FBXO38: variants seen among roughly 807,000 people sequenced by gnomAD.
FBXO38 encodes the protein F-box protein 38, also known as F-box only protein 38.
Under a neutral mutation model 131.9 loss-of-function variants are expected in FBXO38, and 53 were observed. The observed-to-expected ratio is 0.40, with a 90% CI of 0.32 to 0.51. FBXO38 has a LOEUF of 0.51. Ranked by LOEUF, FBXO38 falls within the 20% of genes least tolerant of loss-of-function variation. The pLI, the probability that FBXO38 is intolerant of heterozygous loss-of-function variation, is 0.53. For synonymous variants in FBXO38, 452 were observed against 505.6 expected, an observed-to-expected ratio of 0.89 and a Z score of 1.42; for missense variants, 1,076 against 1,475.6, an observed-to-expected ratio of 0.73 and a Z score of 4.44.
intron 2 of FBXO38, among the ~76,000 whole-genome samples, chr5:148,398,358 T>C (rs1011213268): frequency 2.0e-5 from 3 of 150,804 alleles, no homozygotes; most frequent in South Asian, 2.1e-4. Context: ...TAAAGAAGAA[T>C]GGAAAAGAGG....
chr5:148,427,661 C>G lies in FBXO38; in HGVS notation c.2367C>G (p.Ser789Arg), dbSNP rs1388163904. 6.2e-7 allele frequency: 1 copy of G among 1,614,092 alleles called. No homozygotes were observed. The highest frequency in any genetic ancestry group is 8.5e-7 in the Non-Finnish European group (1 of 1,180,044). Reference sequence around the variant, plus strand: ...CCCAGGAATCCCAAAGGAGAACTAGCAGGTGTTCTGATGAGGAACGTCCTT... The same window carrying G: ...CCCAGGAATCCCAAAGGAGAACTAGGAGGTGTTCTGATGAGGAACGTCCTT... ...HRPQESQRRT[S>R]RCSDEERPST... The change falls in exon 15 of 22, where the codon AGC (serine) becomes AGG (arginine). Residue 789 changes from serine to arginine, a missense_variant. By Grantham distance (110) the Ser-to-Arg change is moderately radical. Around this residue, in one of 8 missense-constraint regions of FBXO38, gnomAD observed 213 missense variants for 225.2 expected, o/e 0.95. Coordinates refer to ENST00000340253, the MANE Select transcript of FBXO38 (RefSeq NM_205836.3).
At position 148,434,002 on chromosome 5, in the gene FBXO38, C is replaced by G. The variant is rs547251295; in HGVS notation, c.2857+265C>G. ...CTGATCTGGCAGAGTAAATAACAGC[C>G]TGCACAGGCTTTGGAGTCAGATAGA... On this transcript the variant is annotated intron_variant, in intron 17 of 21. Transcript: ENST00000340253. 6 of 244,972 alleles carry G rather than the reference C, an allele frequency of 2.4e-5. No homozygotes were observed. The South Asian group carries it at 5.8e-4, about 24-fold the overall frequency. The allele number at this position is 244,972 out of a possible 1,614,324, so 15.2% of individuals were successfully genotyped here. A position where few individuals can be genotyped will look rare whatever the true frequency, so the allele number is the denominator to read the frequency against.
At chr5:148,427,005 G>T (rs375917903) in intron 14 of FBXO38, among the ~76,000 whole-genome samples, 1 of 152,128 alleles carries the variant, frequency 6.6e-6, no homozygotes, top group East Asian at 1.9e-4. Context: ...GAGGTTTGAA[G>T]GCATAGCTAA....
chr5:148,436,124 C>G (rs1046878291), intron 17 of FBXO38, among the ~76,000 whole-genome samples: 1 of 152,180 alleles, frequency 6.6e-6, no homozygotes, highest in Non-Finnish European at 1.5e-5. Flanking sequence ...AAAGGGAGCA[C>G]GTGCTTACTA....
intron 13 of FBXO38, among the ~76,000 whole-genome samples, 194 bp downstream of exon 13, chr5:148,424,311 A>G (rs1278961633): frequency 6.6e-6 from 1 of 152,140 alleles, no homozygotes; most frequent in Non-Finnish European, 1.5e-5. Flanking sequence ...GTCTTTTATT[A>G]TTTGTGACTG....
At chr5:148,435,553 C>T (rs970893298) in intron 17 of FBXO38, among the ~76,000 whole-genome samples, 1 of 152,146 alleles carries the variant, frequency 6.6e-6, no homozygotes, top group African/African-American at 2.4e-5. Context: ...GGGCGGATCA[C>T]GAGGTCAGGA....
At chr5:148,389,106 T>G (rs1758062880) in intron 1 of FBXO38, among the ~76,000 whole-genome samples, 1 of 152,210 alleles carries the variant, frequency 6.6e-6, no homozygotes, top group Admixed American at 6.5e-5. Flanking sequence ...AGCTAGCCAG[T>G]GGAGCAGTTA....
At chr5:148,402,637 G>T in intron 5 of FBXO38, 124 bp downstream of exon 5, 2 of 848,240 alleles carry the variant, frequency 2.4e-6, no homozygotes, top group Admixed American at 2.8e-5. Flanking sequence ...CAAAATAAAT[G>T]TTTGCAAGAT....
At chr5:148,425,339 G>T (rs1753649109) in intron 13 of FBXO38, among the ~76,000 whole-genome samples, 183 bp from the exon 14 acceptor site, 1 of 152,142 alleles carries the variant, frequency 6.6e-6, no homozygotes, top group African/African-American at 2.4e-5. Context: ...TGACATAATG[G>T]TTTAGAGTTG....
chr5:148,401,864 G>A (rs964038039), intron 3 of FBXO38, 118 bp from the exon 4 acceptor site: 2 of 916,548 alleles, frequency 2.2e-6, no homozygotes, highest in African/African-American at 3.3e-5. Flanking sequence ...TTTAGTGTTA[G>A]CTTTACGGAA....
At chr5:148,393,188 G>GGTGGGT (rs1554077289) in intron 1 of FBXO38, among the ~76,000 whole-genome samples, 3 of 127,036 alleles carry the variant, frequency 2.4e-5, no homozygotes, top group East Asian at 4.8e-4. Flanking sequence ...ACAGAAGAGG[G>GGTGGGT]GTGTGTGTGT....
chr5:148,433,190 T>C, intron 15 of FBXO38: 1 of 382,136 alleles, frequency 2.6e-6, no homozygotes, highest in Non-Finnish European at 4.8e-6. Flanking sequence ...ATTATTAGGA[T>C]GACCTAGGCA....
chr5:148,414,626 T>C (rs1041600694), intron 10 of FBXO38, among the ~76,000 whole-genome samples: 2 of 152,152 alleles, frequency 1.3e-5, no homozygotes, highest in Non-Finnish European at 2.9e-5. Flanking sequence ...TAGGATATTG[T>C]AGTTATTTTC....
rs764322313 is a variant in FBXO38 at position 148,406,309 on chromosome 5, C to T, written c.783C>T (p.Ala261=). The T allele has an allele frequency of 1.2e-6, 2 of 1,610,738 alleles. No homozygotes were observed. The highest frequency in any genetic ancestry group is 1.7e-6 in the Non-Finnish European group (2 of 1,178,390). Residue 261 remains alanine, a synonymous_variant, in exon 7 of 22, where the codon GCC becomes GCT. Transcript: ENST00000340253. ...YVPLVTGLAS[A]RNLEHLEMVR... ...CTTTAGTAACAGGCTTAGCCTCTGCCCGAAACTTGGAACACTTAGAAATGG... is the reference window on the plus strand; with the variant it reads ...CTTTAGTAACAGGCTTAGCCTCTGCTCGAAACTTGGAACACTTAGAAATGG...
At chr5:148,399,786 C>T (rs1046877161) in intron 3 of FBXO38, among the ~76,000 whole-genome samples, 23 of 152,080 alleles carry the variant, frequency 1.5e-4, no homozygotes, top group Admixed American at 3.3e-4. Flanking sequence ...TTTCACTTAA[C>T]GCCAATCCAT....
chr5:148,433,449 C>T lies in FBXO38; in HGVS notation c.2679C>T (p.His893=), dbSNP rs747893527. 140 of 1,613,296 alleles carry T rather than the reference C, an allele frequency of 8.7e-5. 1 individual carries two copies. The highest frequency in any genetic ancestry group is 1.1e-4 in the Non-Finnish European group (130 of 1,179,750). ...ESEVAKTKPR[H]AMKRKRTADK... ...AAGTAGCCAAAACAAAGCCACGTCA[C>T]GCCATGAAACGGAAGCGGACAGCAG... is the stretch of plus-strand genomic sequence containing the variant. Residue 893 remains histidine, a synonymous_variant, in exon 16 of 22, where the codon CAC becomes CAT. Coordinates refer to ENST00000340253, the MANE Select transcript of FBXO38 (RefSeq NM_205836.3).
intron 9 of FBXO38, chr5:148,413,189 AG>A (rs1752855162): frequency 1.3e-5 from 2 of 152,196 alleles, no homozygotes; most frequent in African/African-American, 4.8e-5. Context: ...AAGATGTGCC[AG>A]GAGATACCAA....
At chr5:148,416,744 CCA>C in intron 11 of FBXO38, 1 of 459,302 alleles carries the variant, frequency 2.2e-6, no homozygotes. Context: ...CACTTACTGG[CCA>C]TGTGCTGTTG....
In FBXO38 at chr5:148,433,746, T is replaced by A. The variant is rs1044073050; in HGVS notation, c.2857+9T>A. The stretch of plus-strand genomic sequence containing the variant: ...GATGATGTTCATCCATGGTATGTAT[T>A]TGGGCCCATATTATACAAGAGTATC... On this transcript the variant is annotated intron_variant, in intron 17 of 21. Transcript: ENST00000340253. The A allele has an allele frequency of 1.5e-5, 22 of 1,509,468 alleles. No individual in the cohort carries two copies. The highest frequency in any genetic ancestry group is 1.8e-5 in the Non-Finnish European group (20 of 1,096,268). 93.5% of individuals were successfully genotyped at this position (1,509,468 alleles called of 1,614,324 possible).
Sources: allele counts gnomAD v4.1 joint callset (sites outside exome capture counted in the v4.1 genomes callset), GRCh38; gene constraint gnomAD v4.1.1; regional missense constraint gnomAD v4.1.1; transcripts MANE v1.5; gene names NCBI Gene and HGNC (gene_info 2026-07-23, HGNC 2026-07-21).